The following REEP5 variants were observed in gnomAD, a reference collection of about 807,000 sequenced individuals.
REEP5 encodes receptor accessory protein 5.
REEP5 carries 24 observed loss-of-function variants against 22.4 expected under a neutral mutation model. The observed-to-expected ratio is 1.07, with a 90% CI of 0.78 to 1.51. The LOEUF (loss-of-function observed/expected upper bound fraction) is 1.51. REEP5 is among the 40% of genes most tolerant of loss of function. The pLI, the probability that REEP5 is intolerant of heterozygous loss-of-function variation, is 0.00. For missense variants in REEP5, 252 were observed against 233.0 expected, an observed-to-expected ratio of 1.08 and a Z score of -0.53; for synonymous variants, 103 against 88.6, an observed-to-expected ratio of 1.16 and a Z score of -0.92.
At chr5:112,891,734 A>G (rs770091168) in intron 3 of REEP5, 8 of 1,614,048 alleles carry the variant, frequency 5.0e-6, no homozygotes, top group Non-Finnish European at 5.9e-6. Context: ...AAGAAGGAGA[A>G]ACGAAAGAAA....
chr5:112,916,090 G>C (rs988485927), intron 2 of REEP5, among the ~76,000 whole-genome samples: 1 of 152,082 alleles, frequency 6.6e-6, no homozygotes, highest in Non-Finnish European at 1.5e-5. Flanking sequence ...ACCTCTTTAG[G>C]AGTCTGTCAA....
At chr5:112,879,537 G>C (rs767768979) in intron 4 of REEP5, among the ~76,000 whole-genome samples, 1 of 152,098 alleles carries the variant, frequency 6.6e-6, no homozygotes, top group African/African-American at 2.4e-5. Flanking sequence ...GCAGTGGCGC[G>C]ATCTCGGCTC....
chr5:112,912,559 A>G (rs185223470), intron 2 of REEP5, among the ~76,000 whole-genome samples: 3 of 152,338 alleles, frequency 2.0e-5, no homozygotes, highest in Admixed American at 2.0e-4. Flanking sequence ...CATCTGCTTT[A>G]TATTTTATTT....
intron 3 of REEP5, chr5:112,891,649 C>G (rs1191460025): frequency 6.2e-7 from 1 of 1,608,056 alleles, no homozygotes; most frequent in South Asian, 1.1e-5. Context: ...GATGGCTGCA[C>G]TTGAGAAGAT....
In REEP5 at chr5:112,887,205, A is replaced by G. The variant is rs759666937; in HGVS notation, c.352-22T>C. 1.4e-5 allele frequency: 22 copies of G among 1,554,112 alleles called. No homozygotes were observed. The East Asian group carries it at 4.3e-4, about 30-fold the overall frequency. On this transcript the variant is annotated intron_variant, in intron 3 of 4. Coordinates refer to ENST00000379638, the MANE Select transcript of REEP5 (RefSeq NM_005669.5). ...CACACTGCACAGAAAAAGAGCCAGC[A>G]TGGGTAACAGGAGGGTGGAGGGGGC...
intron 2 of REEP5, among the ~76,000 whole-genome samples, chr5:112,920,041 C>G (rs1398594920): frequency 3.9e-5 from 6 of 152,192 alleles, no homozygotes; most frequent in Non-Finnish European, 8.8e-5. Context: ...TCTGTGCACA[C>G]AATCCCGTTT....
At chr5:112,910,323 C>T (rs965113452) in intron 2 of REEP5, among the ~76,000 whole-genome samples, 7 of 151,992 alleles carry the variant, frequency 4.6e-5, no homozygotes, top group African/African-American at 1.4e-4. Context: ...AAGACAAAAA[C>T]ATACCCCTCT....
At chr5:112,890,888 A>T (rs1041406946) in intron 3 of REEP5, among the ~76,000 whole-genome samples, 1 of 150,562 alleles carries the variant, frequency 6.6e-6, no homozygotes, top group East Asian at 2.0e-4. Flanking sequence ...TTAATTGAAA[A>T]TTTTAAAATT....
chr5:112,888,965 A>G (rs937059418), intron 3 of REEP5, among the ~76,000 whole-genome samples: 1 of 150,850 alleles, frequency 6.6e-6, no homozygotes, highest in African/African-American at 2.5e-5. Flanking sequence ...ATGGTAGTGA[A>G]TAAGTCTCAC....
chr5:112,896,001 T>C (rs1231429149), intron 3 of REEP5: 1 of 152,446 alleles, frequency 6.6e-6, no homozygotes, highest in Non-Finnish European at 1.5e-5. Context: ...CCGTCTGTGC[T>C]TCTAATGCTG....
chr5:112,907,628 A>G (rs529167989), intron 2 of REEP5, among the ~76,000 whole-genome samples: 3 of 152,354 alleles, frequency 2.0e-5, no homozygotes, highest in African/African-American at 4.8e-5. Context: ...GAGTTGGAAG[A>G]CATCTCAGAG....
rs1460232171 is a variant in REEP5 at position 112,877,917 on chromosome 5, T to TAA, written c.*867_*868dup. 6.6e-6 allele frequency: 1 copy of TAA among 152,198 alleles called. No homozygotes were observed. Among genetic ancestry groups the TAA allele is most frequent in the African/African-American group, 2.4e-5 (1 of 41,510 alleles). 9.4% of individuals were successfully genotyped at this position (152,198 alleles called of 1,614,324 possible). On this transcript the variant is annotated 3_prime_UTR_variant, in exon 5 of 5. Transcript: ENST00000379638. ...AGCATCTTGACAATAGACAAATATG[T>TAA]AAAGTTTATAGCAGATAAGACAGTA...
At position 112,893,094 on chromosome 5, in the gene REEP5, T is replaced by TAAAAAAAAAAAAAAAAA. The variant is rs552226372; in HGVS notation, c.352-5928_352-5912dup. 262 of 501,444 alleles carry TAAAAAAAAAAAAAAAAA rather than the reference T, an allele frequency of 5.2e-4. 1 individual carries two copies. Among genetic ancestry groups the TAAAAAAAAAAAAAAAAA allele is most frequent in the Non-Finnish European group, 6.2e-4 (197 of 316,958 alleles). 31.1% of individuals were successfully genotyped at this position (501,444 alleles called of 1,614,324 possible). ...AATCCAAATAAACTAGTTTTGTTCT[T>TAAAAAAAAAAAAAAAAA]AAAAAAAAAAAAAAAAAAAAAAAGA... is the stretch of plus-strand genomic sequence containing the variant. On this transcript the variant is annotated intron_variant, in intron 3 of 4. Transcript: ENST00000379638.
intron 3 of REEP5, chr5:112,898,313 C>G (rs1394563523): frequency 6.6e-6 from 1 of 152,152 alleles, no homozygotes; most frequent in Non-Finnish European, 1.5e-5. Context: ...AATGTTTAAT[C>G]CTTTCAAGTA....
chr5:112,905,551 CAAAACA>C (rs1768936084), intron 2 of REEP5, among the ~76,000 whole-genome samples: 1 of 139,824 alleles, frequency 7.2e-6, no homozygotes, highest in African/African-American at 2.7e-5. Flanking sequence ...AAAAAAAAAA[CAAAACA>C]AAAAAAAAAC....
chr5:112,892,467 T>C (rs1455298942), intron 3 of REEP5: 3 of 1,614,148 alleles, frequency 1.9e-6, no homozygotes, highest in Non-Finnish European at 2.5e-6. Flanking sequence ...GCAATGTATA[T>C]GTTCAGTACC....
intron 2 of REEP5, among the ~76,000 whole-genome samples, chr5:112,913,374 AAAGAAAGAG>A (rs2150047541): frequency 2.9e-5 from 1 of 34,062 alleles, no homozygotes; most frequent in African/African-American, 1.0e-3. Flanking sequence ...AAGAAAGAAG[AAAGAAAGAG>A]AAAGAAAGAG....
rs146170662 is a variant in REEP5 at position 112,892,481 on chromosome 5, C to T, written c.352-5298G>A. On this transcript the variant is annotated intron_variant, in intron 3 of 4. Transcript: ENST00000379638. ...GGCAATGTATATGTTCAGTACCAGTCGGAAGAAGAATGCCAAGCAGCCCTT... is the reference window on the plus strand; with the variant it reads ...GGCAATGTATATGTTCAGTACCAGTTGGAAGAAGAATGCCAAGCAGCCCTT... 48 of 1,614,094 alleles carry T rather than the reference C, an allele frequency of 3.0e-5. No homozygotes were observed. In the Admixed American group the frequency reaches 3.3e-4, roughly 11 times the overall value.
chr5:112,909,556 T>C (rs1221464242), intron 2 of REEP5, among the ~76,000 whole-genome samples: 1 of 152,116 alleles, frequency 6.6e-6, no homozygotes, highest in Non-Finnish European at 1.5e-5. Flanking sequence ...AATCCCCAAA[T>C]TCATGTTTGC....
Sources: gnomAD v4.1 joint callset for allele counts (sites outside exome capture counted in the v4.1 genomes callset) on GRCh38, gnomAD v4.1.1 for gene constraint, MANE v1.5 for transcripts, NCBI Gene and HGNC (gene_info 2026-07-23, HGNC 2026-07-21) for gene names.